The following CPNE9 variants were observed in gnomAD, a reference collection of about 807,000 sequenced individuals.
The protein encoded by CPNE9 is copine-9.
A neutral mutation model predicts 83.0 loss-of-function variants in CPNE9; 59 were observed. That is an observed-to-expected ratio of 0.71 (90% CI 0.58 to 0.88). CPNE9 has a LOEUF of 0.88. CPNE9 is among the 40% of genes least tolerant of loss of function. The pLI is 0.00. For synonymous variants in CPNE9, 256 were observed against 273.4 expected (o/e 0.94, Z 0.63); for missense variants, 619 against 720.8 (o/e 0.86, Z 1.62).
At position 9,718,366 on chromosome 3, in the gene CPNE9, A is replaced by G. The variant is rs2125470953; in HGVS notation, c.1114-109A>G. On this transcript the variant is annotated intron_variant, in intron 16 of 20. Transcript: ENST00000383832. Reference sequence around the variant, plus strand: ...GGGAGGGGAGCAGGGCTGGGTTTGGAGGGGAGCATGAAAGGGACTGATGGA... The same window carrying G: ...GGGAGGGGAGCAGGGCTGGGTTTGGGGGGGAGCATGAAAGGGACTGATGGA... 2.0e-6 allele frequency: 3 copies of G among 1,476,538 alleles called. No homozygotes were observed. The East Asian group carries it at 6.9e-5, about 34-fold the overall frequency. The allele number at this position is 1,476,538 out of a possible 1,614,324, so 91.5% of individuals were successfully genotyped here.
At chr3:9,719,736 G>A (rs2076717919) in intron 17 of CPNE9, among the ~76,000 whole-genome samples, 2 of 152,114 alleles carry the variant, frequency 1.3e-5, no homozygotes, top group Admixed American at 1.3e-4. Flanking sequence ...GCTCACACCT[G>A]TAATCCCAGC....
At chr3:9,712,512 TCTCA>T (rs1459391958) in intron 7 of CPNE9, 25 bp from the exon 8 acceptor site, 3 of 1,603,198 alleles carry the variant, frequency 1.9e-6, no homozygotes, top group East Asian at 4.5e-5. Flanking sequence ...CCCTCCCTCC[TCTCA>T]CTAAGAGGCT....
chr3:9,714,496 C>CTT (rs1287430154), intron 10 of CPNE9, among the ~76,000 whole-genome samples: 2 of 144,032 alleles, frequency 1.4e-5, no homozygotes, highest in Admixed American at 7.0e-5. Flanking sequence ...AGCCAAATTA[C>CTT]TTTTTTTTTT....
At position 9,718,503 on chromosome 3, in the gene CPNE9, C is replaced by A; in HGVS notation, c.1142C>A (p.Ala381Glu). 1 of 1,613,320 alleles carries A rather than the reference C, an allele frequency of 6.2e-7. No individual in the cohort carries two copies. The highest frequency in any genetic ancestry group is 1.1e-5 in the South Asian group (1 of 91,034). The change falls in exon 17 of 21, where the codon GCG becomes GAG. Residue 381 changes from alanine to glutamate, a missense_variant. This residue lies in a region of CPNE9 where 438 missense variants were observed against 562.9 expected (regional missense o/e 0.78). Coordinates refer to ENST00000383832, the MANE Select transcript of CPNE9 (RefSeq NM_153635.3). ...LNNNDEDPNC[A>E]GIEGVLESYF... ...AACAATGATGAGGACCCCAACTGTG[C>A]GGGCATCGAGGGTGTGCTGGAGAGC...
chr3:9,717,960 C>A (rs1337053564), intron 15 of CPNE9, 69 bp from the exon 16 acceptor site: 2 of 1,375,902 alleles, frequency 1.5e-6, no homozygotes, highest in Non-Finnish European at 2.0e-6. Flanking sequence ...TGAATGCACA[C>A]AAAGATAAGC....
At chr3:9,705,835 AC>A (rs2076558633) in intron 6 of CPNE9, 115 bp downstream of exon 6, 3 of 1,361,060 alleles carry the variant, frequency 2.2e-6, no homozygotes, top group African/African-American at 1.4e-5. Flanking sequence ...CTTCTTTCAC[AC>A]CCCCTCCATT....
At position 9,729,863 on chromosome 3, in the gene CPNE9, C is replaced by A; in HGVS notation, c.*171C>A. On this transcript the variant is annotated 3_prime_UTR_variant, in exon 21 of 21. Transcript: ENST00000383832. ...GCCTGCAGAGGGCCTGGCACTATCA[C>A]CACCTCTCTGCCTTCATGCCAATAA... 1 of 831,058 alleles carries A rather than the reference C, an allele frequency of 1.2e-6. No individual in the cohort carries two copies. The allele number at this position is 831,058 out of a possible 1,614,324, so 51.5% of individuals were successfully genotyped here.
intron 10 of CPNE9, among the ~76,000 whole-genome samples, chr3:9,713,716 T>C (rs1363088260): frequency 2.0e-5 from 3 of 152,098 alleles, no homozygotes; most frequent in Admixed American, 2.0e-4. Context: ...AATTAGTTGA[T>C]GGATGGGTAT....
rs756670376 is a variant in CPNE9 at position 9,717,144 on chromosome 3, C to G, written c.931+40C>G. 3.7e-6 allele frequency: 6 copies of G among 1,607,506 alleles called. No homozygotes were observed. In the South Asian group the frequency reaches 6.6e-5, roughly 18 times the overall value. On this transcript the variant is annotated intron_variant, in intron 15 of 20. Coordinates refer to ENST00000383832, the MANE Select transcript of CPNE9 (RefSeq NM_153635.3). ...AGTGAAAAAGTCGGAGGTGGGAAGG[C>G]ACTTCTAAGGGAGTCATTAGGAGTT...
In CPNE9 at chr3:9,718,530, A is replaced by G. The variant is rs757190049; in HGVS notation, c.1169A>G (p.Tyr390Cys). The change falls in exon 17 of 21, where the codon TAT becomes TGT. Residue 390 changes from tyrosine to cysteine, a missense_variant. Coordinates refer to ENST00000383832, the MANE Select transcript of CPNE9 (RefSeq NM_153635.3). Reference sequence around the variant, plus strand: ...GGCATCGAGGGTGTGCTGGAGAGCTATTTCCAGAGCCTGCGCACAGTGCAG... The same window carrying G: ...GGCATCGAGGGTGTGCTGGAGAGCTGTTTCCAGAGCCTGCGCACAGTGCAG... ...CAGIEGVLES[Y>C]FQSLRTVQLY... 4.3e-6 allele frequency: 7 copies of G among 1,613,632 alleles called. No homozygotes were observed. The highest frequency in any genetic ancestry group is 5.9e-6 in the Non-Finnish European group (7 of 1,179,940).
At chr3:9,708,234 G>A (rs1013831727) in intron 7 of CPNE9, among the ~76,000 whole-genome samples, 25 of 152,210 alleles carry the variant, frequency 1.6e-4, no homozygotes, top group African/African-American at 5.3e-4. Flanking sequence ...TTATAGGCAT[G>A]AGCCACTGAG....
chr3:9,729,557 C>A lies in CPNE9; in HGVS notation c.1527C>A (p.Ser509Arg). Residue 509 changes from serine (S) to arginine (R), a missense_variant, in exon 21 of 21, where the codon AGC becomes AGA. Ser to Arg is a moderately radical substitution (Grantham distance 110, BLOSUM62 -1). Around this residue, in one of 3 missense-constraint regions of CPNE9, gnomAD observed 438 missense variants for 562.9 expected, o/e 0.78. Coordinates refer to ENST00000383832, the MANE Select transcript of CPNE9 (RefSeq NM_153635.3). ...YVDRSGNQVLSMARLAKDVLA... is the reference protein window; with the variant it reads ...YVDRSGNQVLRMARLAKDVLA... ...ACCGGTCGGGGAACCAGGTGTTGAGCATGGCCCGACTGGCCAAGGATGTGC... is the reference window on the plus strand; with the variant it reads ...ACCGGTCGGGGAACCAGGTGTTGAGAATGGCCCGACTGGCCAAGGATGTGC... The A allele has an allele frequency of 1.9e-6, 3 of 1,614,138 alleles. No individual in the cohort carries two copies. Among genetic ancestry groups the A allele is most frequent in the Non-Finnish European group, 2.5e-6 (3 of 1,180,006 alleles).
intron 17 of CPNE9, among the ~76,000 whole-genome samples, chr3:9,724,260 G>A (rs1045328882): frequency 6.6e-6 from 1 of 150,420 alleles, no homozygotes; most frequent in African/African-American, 2.5e-5. Flanking sequence ...CTTTTCAGGT[G>A]GAAAAAAAAT....
At chr3:9,720,263 C>T (rs1043710709) in intron 17 of CPNE9, among the ~76,000 whole-genome samples, 10 of 151,954 alleles carry the variant, frequency 6.6e-5, no homozygotes, top group African/African-American at 2.2e-4. Flanking sequence ...TAACACAAAG[C>T]CCCTCAGAAA....
At chr3:9,723,811 T>C (rs1402612971) in intron 17 of CPNE9, among the ~76,000 whole-genome samples, 2 of 152,246 alleles carry the variant, frequency 1.3e-5, no homozygotes, top group African/African-American at 4.8e-5. Context: ...CCCAAAGTGC[T>C]TGGATTACAG....
chr3:9,708,359 G>A (rs1331424932), intron 7 of CPNE9, among the ~76,000 whole-genome samples: 4 of 152,192 alleles, frequency 2.6e-5, no homozygotes, highest in Non-Finnish European at 4.4e-5. Flanking sequence ...AGAACCAAAG[G>A]CCAAGGCTCC....
rs2076705340 is a variant in CPNE9, at chr3:9,718,479, A to C, written c.1118A>C (p.Asn373Thr). The C allele has an allele frequency of 1.2e-6, 2 of 1,612,692 alleles. No individual in the cohort carries two copies. Among genetic ancestry groups the C allele is most frequent in the Admixed American group, 1.7e-5 (1 of 59,974 alleles). ...GCAGGGCATATTCTTTGACAGAACA[A>C]CAATGATGAGGACCCCAACTGTGCG... ...GRISHQFPLN[N>T]NDEDPNCAGI... Residue 373 changes from asparagine (N) to threonine (T), a missense_variant, in exon 17 of 21, where the codon AAC becomes ACC. Physicochemically the swap from Asn to Thr is moderately conservative, Grantham distance 65. Transcript: ENST00000383832.
chr3:9,726,092 C>G (rs1457469532), intron 18 of CPNE9, 41 bp downstream of exon 18: 1 of 1,285,662 alleles, frequency 7.8e-7, no homozygotes, highest in African/African-American at 1.5e-5. Context: ...GGAGTAATGT[C>G]AATACTGTGA....
In CPNE9 at chr3:9,704,124, G is replaced by A; in HGVS notation, c.68+60G>A. On this transcript the variant is annotated intron_variant, in intron 1 of 20. Transcript: ENST00000383832. This position sits in a 1 kb window ranked among gnomAD's most constrained non-coding sequence, Gnocchi z 7.1. ...GGCACTGCCCCAGCCCCAGCCAGCC[G>A]CGGGGCTCAGCCTGGGCAGGGGCTA... 1.3e-6 allele frequency: 2 copies of A among 1,508,468 alleles called. No individual in the cohort carries two copies. Among genetic ancestry groups the A allele is most frequent in the East Asian group, 2.4e-5 (1 of 41,066 alleles). 93.4% of individuals were successfully genotyped at this position (1,508,468 alleles called of 1,614,324 possible). A position where few individuals can be genotyped will look rare whatever the true frequency, so the allele number is the denominator to read the frequency against.
Sources: allele counts gnomAD v4.1 joint callset (sites outside exome capture counted in the v4.1 genomes callset), GRCh38; gene constraint gnomAD v4.1.1; regional missense constraint gnomAD v4.1.1; non-coding constraint Gnocchi (gnomAD v3.1); transcripts MANE v1.5; gene names NCBI Gene and HGNC (gene_info 2026-07-23, HGNC 2026-07-21).